DYM: variants seen among roughly 807,000 people sequenced by gnomAD.
DYM encodes dymeclin.
Under a neutral mutation model 93.1 loss-of-function variants are expected in DYM, and 78 were observed. The observed-to-expected ratio is 0.84, with a 90% confidence interval of 0.70 to 1.01. DYM has a LOEUF of 1.01. Ranked by LOEUF, DYM falls within the 50% of genes least tolerant of loss-of-function variation. The probability of loss-of-function intolerance (pLI) is 0.00; values close to 1 mark genes in which losing one functional copy is unlikely to be tolerated. For synonymous variants in DYM, 321 were observed against 319.7 expected (o/e 1.00, Z -0.04); for missense variants, 789 against 845.0 (o/e 0.93, Z 0.82).
chr18:49,371,979 A>G (rs2067084355), intron 5 of DYM, among the ~76,000 whole-genome samples: 1 of 152,222 alleles, frequency 6.6e-6, no homozygotes, highest in Non-Finnish European at 1.5e-5. Context: ...GCAGTATTAC[A>G]ATGGATTGGA....
intron 16 of DYM, 39 bp downstream of exon 16, chr18:49,118,705 T>C: frequency 2.5e-6 from 4 of 1,578,532 alleles, no homozygotes; most frequent in Non-Finnish European, 3.5e-6. Context: ...CTTTAATACT[T>C]AAAAAAGAAT....
At chr18:49,258,105 T>A (rs1026002901) in intron 12 of DYM, among the ~76,000 whole-genome samples, 13 of 152,212 alleles carry the variant, frequency 8.5e-5, no homozygotes, top group African/African-American at 1.2e-4. Context: ...GGCAAATCAG[T>A]GTTACTGGCC....
At chr18:49,199,984 GAAAAGAAAAAAAA>G (rs1197797268) in intron 14 of DYM, among the ~76,000 whole-genome samples, 1 of 149,256 alleles carries the variant, frequency 6.7e-6, no homozygotes, top group Admixed American at 6.6e-5. Flanking sequence ...CAGTTAAAAA[GAAAAGAAAAAAAA>G]AGAAGAAAAA....
At chr18:49,207,402 A>C (rs1178183225) in intron 14 of DYM, among the ~76,000 whole-genome samples, 1 of 152,254 alleles carries the variant, frequency 6.6e-6, no homozygotes, top group Admixed American at 6.5e-5. Flanking sequence ...AACAAAGAAC[A>C]CAGAAGAGAA....
At chr18:49,233,936 C>T (rs1380910770) in intron 13 of DYM, among the ~76,000 whole-genome samples, 1 of 151,858 alleles carries the variant, frequency 6.6e-6, no homozygotes, top group African/African-American at 2.4e-5. Flanking sequence ...ACCATCCTGG[C>T]CAACATGGTG....
intron 2 of DYM, among the ~76,000 whole-genome samples, chr18:49,407,711 C>T (rs1236353484): frequency 6.6e-6 from 1 of 152,146 alleles, no homozygotes; most frequent in Non-Finnish European, 1.5e-5. Flanking sequence ...CGTTGGAGGT[C>T]ACATTTCAAC....
chr18:49,303,630 G>T (rs1256711941), intron 8 of DYM, among the ~76,000 whole-genome samples: 1 of 152,188 alleles, frequency 6.6e-6, no homozygotes, highest in Non-Finnish European at 1.5e-5. Context: ...GCTGAAAAGA[G>T]AGGGCAGGCT....
intron 13 of DYM, among the ~76,000 whole-genome samples, chr18:49,250,622 C>T (rs2094264882): frequency 6.6e-6 from 1 of 152,132 alleles, no homozygotes; most frequent in African/African-American, 2.4e-5. Flanking sequence ...AAACAAAAGG[C>T]CTAGGAGCTG....
At chr18:49,210,080 G>A (rs561710281) in intron 13 of DYM, among the ~76,000 whole-genome samples, 2 of 152,338 alleles carry the variant, frequency 1.3e-5, no homozygotes, top group South Asian at 4.1e-4. Flanking sequence ...AGGATGTGGA[G>A]CAACAGGAAC....
intron 8 of DYM, among the ~76,000 whole-genome samples, chr18:49,290,016 T>G (rs1456641463): frequency 2.0e-5 from 3 of 151,364 alleles, no homozygotes; most frequent in Admixed American, 2.0e-4. Flanking sequence ...TAAAGTACAT[T>G]TGGCAGTTTT....
intron 13 of DYM, among the ~76,000 whole-genome samples, chr18:49,252,348 A>C (rs1220257841): frequency 6.6e-6 from 1 of 151,688 alleles, no homozygotes; most frequent in Non-Finnish European, 1.5e-5. Flanking sequence ...TGGAAGGTGA[A>C]GGAGAAGCAC....
intron 8 of DYM, among the ~76,000 whole-genome samples, chr18:49,298,024 G>A (rs1399497766): frequency 6.6e-6 from 1 of 152,062 alleles, no homozygotes. Flanking sequence ...GGGAAAAAAG[G>A]GTCACTAATA....
At chr18:49,045,126 G>A (rs1036744166) in intron 17 of DYM, among the ~76,000 whole-genome samples, 4 of 152,190 alleles carry the variant, frequency 2.6e-5, no homozygotes, top group Non-Finnish European at 5.9e-5. Context: ...GCTGCAGCTT[G>A]GTGACCCTTG....
chr18:49,124,245 C>G (rs2146094380), intron 15 of DYM, among the ~76,000 whole-genome samples: 1 of 152,272 alleles, frequency 6.6e-6, no homozygotes, highest in East Asian at 1.9e-4. Context: ...CAGCTCACAT[C>G]TGTAATTCTA....
chr18:49,079,341 G>A (rs969820997), intron 17 of DYM, among the ~76,000 whole-genome samples: 1 of 151,916 alleles, frequency 6.6e-6, no homozygotes, highest in Non-Finnish European at 1.5e-5. Context: ...TGTGGATGTC[G>A]GGACATTTTG....
At position 49,349,839 on chromosome 18, in the gene DYM, C is replaced by T. The variant is rs139284167; in HGVS notation, c.494+13322G>A. On this transcript the variant is annotated intron_variant, in intron 6 of 17. Transcript: ENST00000675505. ...GGGCATGGTGGCACACACCTGTAGT[C>T]CCAGCTACTAGGGAAGTGGAGGAGG... Among the ~76,000 whole-genome samples, 1,403 of 152,224 alleles carry T rather than the reference C, an allele frequency of 9.2e-3. 8 individuals carry two copies. The highest frequency in any genetic ancestry group is 0.014 in the Non-Finnish European group (945 of 68,004).
intron 16 of DYM, among the ~76,000 whole-genome samples, chr18:49,104,513 A>C (rs1225092475): frequency 1.3e-5 from 2 of 152,168 alleles, no homozygotes; most frequent in Non-Finnish European, 2.9e-5. Context: ...GAATGCTTCC[A>C]GTTTTTGCCC....
chr18:49,248,180 T>C (rs2094210585), intron 13 of DYM, among the ~76,000 whole-genome samples: 1 of 152,212 alleles, frequency 6.6e-6, no homozygotes, highest in Non-Finnish European at 1.5e-5. Flanking sequence ...CAATCTACAA[T>C]AAAACAATTA....
chr18:49,088,493 T>C (rs373170680), intron 17 of DYM, among the ~76,000 whole-genome samples: 14 of 149,772 alleles, frequency 9.3e-5, no homozygotes, highest in Non-Finnish European at 2.1e-4. Context: ...CACACCAACA[T>C]GGTGCATGTA....
Sources: gnomAD v4.1 joint callset for allele counts (sites outside exome capture counted in the v4.1 genomes callset) on GRCh38, gnomAD v4.1.1 for gene constraint, MANE v1.5 for transcripts, NCBI Gene and HGNC (gene_info 2026-07-23, HGNC 2026-07-21) for gene names.